Variants in SMG1 observed in about 807,000 individuals in gnomAD.
SMG1 encodes serine/threonine-protein kinase SMG1.
Under a neutral mutation model 419.9 loss-of-function variants are expected in SMG1, and 22 were observed. That is an observed-to-expected ratio of 0.05 (90% CI 0.04 to 0.07). The LOEUF is 0.07. Ranked by LOEUF, SMG1 falls within the 10% of genes least tolerant of loss-of-function variation. The pLI is 1.00. For synonymous variants in SMG1, 1,538 were observed against 1,553.5 expected, an observed-to-expected ratio of 0.99 and a Z score of 0.23; for missense variants, 3,185 against 4,342.0, an observed-to-expected ratio of 0.73 and a Z score of 7.49.
At chr16:18,868,380 C>G in intron 21 of SMG1, 26 bp from the exon 22 acceptor site, 1 of 1,163,914 alleles carries the variant, frequency 8.6e-7, no homozygotes, top group Non-Finnish European at 1.2e-6. Flanking sequence ...AAGAAAAGCT[C>G]AGGACTGGTT....
intron 29 of SMG1, chr16:18,857,061 C>T (rs543570497): frequency 6.6e-6 from 1 of 152,288 alleles, no homozygotes; most frequent in African/African-American, 2.4e-5. Context: ...CACTGATTTG[C>T]CCTAAGGTTC....
intron 18 of SMG1, 117 bp from the exon 19 acceptor site, chr16:18,870,111 G>C (rs1014487421): frequency 2.8e-5 from 18 of 636,930 alleles, no homozygotes; most frequent in Admixed American, 1.5e-4. Flanking sequence ...GTAAAATTGA[G>C]ACTTTCAAAT....
At chr16:18,922,700 G>A (rs1293164995) in intron 1 of SMG1, among the ~76,000 whole-genome samples, 25 of 152,134 alleles carry the variant, frequency 1.6e-4, no homozygotes, top group South Asian at 6.2e-4. Context: ...GGCTGGTCTC[G>A]AATTCCTGAC....
intron 39 of SMG1, among the ~76,000 whole-genome samples, chr16:18,844,414 A>T (rs1212689099): frequency 7.1e-6 from 1 of 140,548 alleles, no homozygotes; most frequent in Non-Finnish European, 1.5e-5. Flanking sequence ...GGCAACAGAG[A>T]CTCCATCTCA....
intron 13 of SMG1, among the ~76,000 whole-genome samples, chr16:18,873,375 A>G (rs1028799672): frequency 2.6e-5 from 4 of 152,002 alleles, no homozygotes; most frequent in Non-Finnish European, 5.9e-5. Context: ...GCCCATCACC[A>G]TGCCCTGCTA....
At chr16:18,919,319 C>G (rs1596664994) in intron 1 of SMG1, among the ~76,000 whole-genome samples, 1 of 147,482 alleles carries the variant, frequency 6.8e-6, no homozygotes, top group East Asian at 2.0e-4. Context: ...ACAGTGAGAC[C>G]CCATCTCTAA....
intron 10 of SMG1, among the ~76,000 whole-genome samples, chr16:18,881,322 G>A (rs1393750493): frequency 6.6e-6 from 1 of 151,984 alleles, no homozygotes; most frequent in Non-Finnish European, 1.5e-5. Flanking sequence ...ATGAAGCAAA[G>A]ATATTAAACC....
At chr16:18,813,360 T>G (rs2031659973) in intron 60 of SMG1, among the ~76,000 whole-genome samples, 1 of 152,172 alleles carries the variant, frequency 6.6e-6, no homozygotes, top group African/African-American at 2.4e-5. Context: ...ATGATGGCCA[T>G]TCTAACTGGT....
intron 50 of SMG1, among the ~76,000 whole-genome samples, chr16:18,833,740 C>T (rs1232187157): frequency 6.6e-6 from 1 of 152,218 alleles, no homozygotes; most frequent in East Asian, 1.9e-4. Context: ...ATCTCTCTCA[C>T]TCACACTTCT....
rs12929094 is a variant in SMG1 at position 18,926,186 on chromosome 16, G to A, written c.-145C>T. 0.36 allele frequency: 252,399 copies of A among 700,804 alleles called. 47,245 individuals carry two copies. The highest frequency in any genetic ancestry group is 0.4 in the Non-Finnish European group (180,157 of 447,848). 43.4% of individuals were successfully genotyped at this position (700,804 alleles called of 1,614,324 possible). A position where few individuals can be genotyped will look rare whatever the true frequency, so the allele number is the denominator to read the frequency against. ...GGAGGAGGAGGAGGAGGAGGAGAAG[G>A]AGGAGGCGGCGGAGGGCGGGGGAAG... On this transcript the variant is annotated 5_prime_UTR_variant, in exon 1 of 63. Transcript: ENST00000446231.
chr16:18,895,961 G>T (rs980778000), intron 3 of SMG1, 91 bp downstream of exon 3: 9 of 1,146,376 alleles, frequency 7.9e-6, no homozygotes, highest in South Asian at 1.3e-5. Context: ...ACTTATGCCT[G>T]TGCAAGGCGT....
At chr16:18,834,115 G>A (rs745384514) in intron 50 of SMG1, 89 bp downstream of exon 50, 347 of 883,044 alleles carry the variant, frequency 3.9e-4, no homozygotes, top group Non-Finnish European at 5.1e-4. Context: ...TTCAAATGGG[G>A]AAGTCAAATT....
rs560011451 is a variant in SMG1, at chr16:18,869,984, G to A, written c.2503C>T (p.His835Tyr). 1.2e-5 allele frequency: 19 copies of A among 1,540,128 alleles called. No homozygotes were observed. The highest frequency in any genetic ancestry group is 1.9e-5 in the Admixed American group (1 of 51,352). The part of the protein sequence containing the change: ...PLDVVLSNNN[H>Y]TEIQEISLAL... ...AAAGAAATTTCTTGAATTTCTGTGT[G>A]ATTGTTATTGCTGTAGACAGAAAAT... Residue 835 changes from histidine (H) to tyrosine (Y), a missense_variant, in exon 19 of 63, where the codon CAC (histidine) becomes TAC (tyrosine). Coordinates refer to ENST00000446231, the MANE Select transcript of SMG1 (RefSeq NM_015092.5).
In SMG1 at chr16:18,853,618, T is replaced by C. The variant is rs2034723848; in HGVS notation, c.4733A>G (p.Glu1578Gly). 1 of 1,608,186 alleles carries C rather than the reference T, an allele frequency of 6.2e-7. No individual in the cohort carries two copies. The change falls in exon 31 of 63, where the codon GAA becomes GGA. Residue 1578 changes from glutamate to glycine, a missense_variant. Glu to Gly is a moderately conservative substitution (Grantham distance 98). This residue lies in a region of SMG1 where 493 missense variants were observed against 552.9 expected (regional missense o/e 0.89). Transcript: ENST00000446231. ...ACTCTCGATCCGAGGATACTCTTCT[T>C]CCATCGTATTAACAGATGGCAGTTC... The part of the protein sequence containing the change: ...LIELPSVNTM[E>G]EEYPRIESES...
chr16:18,817,612 G>A, intron 56 of SMG1, 142 bp from the exon 57 acceptor site: 1 of 664,394 alleles, frequency 1.5e-6, no homozygotes, highest in Non-Finnish European at 2.5e-6. Context: ...TTGGGAAATA[G>A]ACCAAAACCT....
intron 1 of SMG1, among the ~76,000 whole-genome samples, chr16:18,914,735 G>A (rs542734827): frequency 1.3e-5 from 2 of 152,174 alleles, no homozygotes; most frequent in South Asian, 2.1e-4. Flanking sequence ...CAGCAGGCAC[G>A]CAACTGACAA....
intron 1 of SMG1, among the ~76,000 whole-genome samples, chr16:18,901,465 C>T (rs1400843565): frequency 3.9e-5 from 6 of 152,320 alleles, no homozygotes; most frequent in African/African-American, 1.2e-4. Context: ...CCTCCCACCT[C>T]AGCCTCCCAA....
intron 1 of SMG1, among the ~76,000 whole-genome samples, chr16:18,914,642 C>T (rs1487996589): frequency 6.6e-6 from 1 of 152,046 alleles, no homozygotes; most frequent in Admixed American, 6.5e-5. Context: ...CAAGATCTCA[C>T]CACTGCACTC....
intron 10 of SMG1, among the ~76,000 whole-genome samples, chr16:18,880,603 T>A (rs2036339383): frequency 6.6e-6 from 1 of 151,604 alleles, no homozygotes; most frequent in Admixed American, 6.6e-5. Context: ...TAGTCCCAAC[T>A]ACTTGAGAGG....
Sources: gnomAD v4.1 joint callset for allele counts (sites outside exome capture counted in the v4.1 genomes callset) on GRCh38, gnomAD v4.1.1 for gene constraint, gnomAD v4.1.1 regional missense constraint, MANE v1.5 for transcripts, NCBI Gene and HGNC (gene_info 2026-07-23, HGNC 2026-07-21) for gene names.